Variants in FHOD3 observed in about 807,000 individuals in gnomAD.
FHOD3 encodes FH1/FH2 domain-containing protein 3.
In FHOD3, 90 loss-of-function variants were observed where a neutral mutation model predicts 173.0. That is an observed-to-expected ratio of 0.52 (90% CI 0.44 to 0.62). FHOD3 has a LOEUF of 0.62. Ranked by LOEUF, FHOD3 falls within the 20% of genes least tolerant of loss-of-function variation. The pLI is 0.00. For missense variants in FHOD3, 1,945 were observed against 2,034.7 expected (o/e 0.96, Z 0.85); for synonymous variants, 828 against 823.0 (o/e 1.01, Z -0.10).
At chr18:36,367,908 C>A (rs958686507) in intron 2 of FHOD3, among the ~76,000 whole-genome samples, 2 of 151,962 alleles carry the variant, frequency 1.3e-5, no homozygotes, top group Admixed American at 1.3e-4. Flanking sequence ...GTCACCCCCC[C>A]ATCCCTCCCC....
intron 28 of FHOD3, among the ~76,000 whole-genome samples, chr18:36,774,879 G>A (rs1044489550): frequency 6.6e-6 from 1 of 152,180 alleles, no homozygotes; most frequent in African/African-American, 2.4e-5. Flanking sequence ...CCTCTAATCT[G>A]TGAGGACACT....
intron 3 of FHOD3, among the ~76,000 whole-genome samples, chr18:36,377,048 G>T (rs533325936): frequency 6.6e-6 from 1 of 152,316 alleles, no homozygotes; most frequent in Middle Eastern, 3.4e-3. Context: ...GTGCCATGAG[G>T]TGGCAGCTCA....
intron 5 of FHOD3, among the ~76,000 whole-genome samples, chr18:36,516,250 G>A (rs1206053032): frequency 2.6e-5 from 4 of 152,128 alleles, no homozygotes; most frequent in Non-Finnish European, 5.9e-5. Context: ...GAGGGCAGAT[G>A]CAGATCAAGA....
At chr18:36,631,078 A>G (rs1342136905) in intron 10 of FHOD3, among the ~76,000 whole-genome samples, 1 of 152,208 alleles carries the variant, frequency 6.6e-6, no homozygotes, top group African/African-American at 2.4e-5. Context: ...GCTCCAGGCC[A>G]GGAGTACTGA....
At chr18:36,532,554 T>C (rs1183306324) in intron 5 of FHOD3, among the ~76,000 whole-genome samples, 2 of 152,156 alleles carry the variant, frequency 1.3e-5, no homozygotes, top group African/African-American at 4.8e-5. Flanking sequence ...CAGAAATATT[T>C]CTGAGTCTCC....
chr18:36,477,810 G>A (rs1482279721), intron 3 of FHOD3, among the ~76,000 whole-genome samples: 1 of 152,146 alleles, frequency 6.6e-6, no homozygotes, highest in African/African-American at 2.4e-5. Context: ...GAGACAGTGA[G>A]CTCACTTGGC....
At chr18:36,366,260 GGA>G (rs1342466243) in intron 2 of FHOD3, among the ~76,000 whole-genome samples, 1 of 152,148 alleles carries the variant, frequency 6.6e-6, no homozygotes, top group East Asian at 1.9e-4. Context: ...GGTATGATGA[GGA>G]GAGAGGTGGG....
rs182307975 is a variant in FHOD3 at position 36,474,264 on chromosome 18, C to T, written c.338-27668C>T. On this transcript the variant is annotated intron_variant, in intron 3 of 28. Coordinates refer to ENST00000590592, the MANE Select transcript of FHOD3 (RefSeq NM_001281740.3). Reference sequence around the variant, plus strand: ...TTTTATTTTACTGACTCCTCCACCACGTGCACAGGAACATGGCTCTCTTCT... The same window carrying T: ...TTTTATTTTACTGACTCCTCCACCATGTGCACAGGAACATGGCTCTCTTCT... 1.1e-4 allele frequency among the ~76,000 whole-genome samples: 17 copies of T among 152,296 alleles called. No individual in the cohort carries two copies. The East Asian group carries it at 2.3e-3, about 21-fold the overall frequency.
At chr18:36,762,848 TC>T (rs2042940748) in intron 27 of FHOD3, among the ~76,000 whole-genome samples, 1 of 147,468 alleles carries the variant, frequency 6.8e-6, no homozygotes, top group Admixed American at 6.8e-5. Flanking sequence ...AAATATATAA[TC>T]ATATATATTA....
chr18:36,743,531 C>T (rs1226164731), intron 22 of FHOD3, among the ~76,000 whole-genome samples: 1 of 152,024 alleles, frequency 6.6e-6, no homozygotes, highest in Non-Finnish European at 1.5e-5. Context: ...AGAAAAACAA[C>T]TGTTTAAAAA....
At position 36,779,944 on chromosome 18, in the gene FHOD3, AAAAG is replaced by A. The variant is rs2043960316; in HGVS notation, c.*419_*422del. ...AGATGTAAACCCCAAACTTGTACAC[AAAAG>A]AAAGCACAGATTGTTTACCTGTTGT... On this transcript the variant is annotated 3_prime_UTR_variant, in exon 29 of 29. Transcript: ENST00000590592. 4 of 440,714 alleles carry A rather than the reference AAAAG, an allele frequency of 9.1e-6. No homozygotes were observed. Among genetic ancestry groups the A allele is most frequent in the Non-Finnish European group, 1.5e-5 (4 of 261,876 alleles). The allele number at this position is 440,714 out of a possible 1,614,324, so 27.3% of individuals were successfully genotyped here.
At chr18:36,613,300 C>T (rs570527628) in intron 9 of FHOD3, among the ~76,000 whole-genome samples, 3 of 152,234 alleles carry the variant, frequency 2.0e-5, no homozygotes, top group Non-Finnish European at 4.4e-5. Context: ...CCCGTGACGC[C>T]GGTTCTGCTT....
At chr18:36,655,735 C>A (rs2036378908) in intron 13 of FHOD3, among the ~76,000 whole-genome samples, 1 of 127,790 alleles carries the variant, frequency 7.8e-6, no homozygotes, top group East Asian at 2.3e-4. Flanking sequence ...TTAAAAAGAA[C>A]CCTCACCCTC....
intron 6 of FHOD3, among the ~76,000 whole-genome samples, chr18:36,580,290 G>C (rs73429694): frequency 6.6e-6 from 1 of 152,136 alleles, no homozygotes; most frequent in Non-Finnish European, 1.5e-5. Flanking sequence ...CATTTGGGCC[G>C]TCAGCACTGG....
At chr18:36,483,744 A>G (rs950206451) in intron 3 of FHOD3, among the ~76,000 whole-genome samples, 1 of 152,210 alleles carries the variant, frequency 6.6e-6, no homozygotes, top group Non-Finnish European at 1.5e-5. Context: ...CTTGAATGTC[A>G]TACATTTCGC....
chr18:36,579,112 C>T (rs2058758817), intron 6 of FHOD3, among the ~76,000 whole-genome samples: 1 of 152,140 alleles, frequency 6.6e-6, no homozygotes, highest in Non-Finnish European at 1.5e-5. Flanking sequence ...AGTTTTTTCT[C>T]CTTTTTCCTT....
At chr18:36,438,398 C>T (rs925213204) in intron 3 of FHOD3, among the ~76,000 whole-genome samples, 6 of 152,126 alleles carry the variant, frequency 3.9e-5, no homozygotes, top group African/African-American at 4.8e-5. Context: ...CACCATCAGT[C>T]GTTTAAAAAC....
intron 9 of FHOD3, among the ~76,000 whole-genome samples, chr18:36,622,746 T>C (rs2033811489): frequency 6.6e-6 from 1 of 152,172 alleles, no homozygotes; most frequent in Non-Finnish European, 1.5e-5. Flanking sequence ...AAAGCCGTAC[T>C]CTCCAGGTGT....
At chr18:36,503,162 C>T (rs1417789467) in intron 4 of FHOD3, among the ~76,000 whole-genome samples, 1 of 152,138 alleles carries the variant, frequency 6.6e-6, no homozygotes, top group East Asian at 1.9e-4. Flanking sequence ...AGGACTAGGA[C>T]AGGTGTGCAG....
Sources: allele counts gnomAD v4.1 joint callset (sites outside exome capture counted in the v4.1 genomes callset), GRCh38; gene constraint gnomAD v4.1.1; transcripts MANE v1.5; gene names NCBI Gene and HGNC (gene_info 2026-07-23, HGNC 2026-07-21).